The following CADM2 variants were observed in gnomAD, a reference collection of about 807,000 sequenced individuals.
CADM2 encodes the protein immunoglobulin superfamily member 4D.
CADM2 carries 12 observed loss-of-function variants against 49.8 expected under a neutral mutation model. That is an observed-to-expected ratio of 0.24 (90% confidence interval 0.15 to 0.39). The LOEUF (loss-of-function observed/expected upper bound fraction) is 0.39. CADM2 is among the 10% of genes least tolerant of loss of function. The pLI, the probability that CADM2 is intolerant of heterozygous loss-of-function variation, is 1.00. For missense variants in CADM2, 378 were observed against 492.3 expected (o/e 0.77, Z 2.20); for synonymous variants, 214 against 175.4 (o/e 1.22, Z -1.74).
intron 1 of CADM2, among the ~76,000 whole-genome samples, chr3:85,199,706 T>C (rs2041444543): frequency 6.6e-6 from 1 of 151,948 alleles, no homozygotes; most frequent in Non-Finnish European, 1.5e-5. Flanking sequence ...ATTGTTTGGA[T>C]AAAATAAGGA....
At chr3:85,275,804 G>GA (rs1168335183) in intron 1 of CADM2, among the ~76,000 whole-genome samples, 2 of 150,870 alleles carry the variant, frequency 1.3e-5, no homozygotes, top group Admixed American at 1.3e-4. Context: ...AATTGACCCT[G>GA]ATTTCATAGT....
chr3:85,654,444 G>A (rs1353331542), intron 1 of CADM2, among the ~76,000 whole-genome samples: 3 of 152,144 alleles, frequency 2.0e-5, no homozygotes, highest in Non-Finnish European at 2.9e-5. Flanking sequence ...GCATACATGG[G>A]CAGAAAGTTC....
chr3:86,028,134 T>C (rs1165224053), intron 8 of CADM2: 1 of 150,144 alleles, frequency 6.7e-6, no homozygotes, highest in Non-Finnish European at 1.5e-5. Flanking sequence ...CACACCAACA[T>C]GGCACATGTA....
intron 7 of CADM2, among the ~76,000 whole-genome samples, chr3:85,947,661 C>T (rs1722910821): frequency 6.6e-6 from 1 of 151,252 alleles, no homozygotes; most frequent in Admixed American, 6.6e-5. Flanking sequence ...CACATTGACT[C>T]GCTGGAAACA....
intron 7 of CADM2, among the ~76,000 whole-genome samples, chr3:85,938,039 G>A (rs575736047): frequency 6.6e-6 from 1 of 152,044 alleles, no homozygotes; most frequent in Non-Finnish European, 1.5e-5. Flanking sequence ...CAGGACATTA[G>A]CATTAAAGTT....
chr3:85,996,290 CTTTTTT>C (rs397990432), intron 8 of CADM2, among the ~76,000 whole-genome samples: 3 of 89,312 alleles, frequency 3.4e-5, no homozygotes, highest in African/African-American at 8.5e-5. Flanking sequence ...TTTTCATTTA[CTTTTTT>C]TTTTTTTTTT....
chr3:85,812,257 G>C (rs920667505), intron 3 of CADM2, among the ~76,000 whole-genome samples: 2 of 151,744 alleles, frequency 1.3e-5, no homozygotes, highest in African/African-American at 4.8e-5. Context: ...GTAAGTAATC[G>C]ATAAAATTAT....
intron 8 of CADM2, among the ~76,000 whole-genome samples, chr3:86,018,229 A>G (rs1354519910): frequency 8.1e-5 from 10 of 123,674 alleles, no homozygotes; most frequent in Admixed American, 1.8e-4. Flanking sequence ...ATGGCTGCAT[A>G]GTATTCCATG....
chr3:85,593,991 A>G (rs2063178348), intron 1 of CADM2, among the ~76,000 whole-genome samples: 2 of 151,044 alleles, frequency 1.3e-5, no homozygotes, highest in African/African-American at 4.9e-5. Flanking sequence ...ATAGTGAGTG[A>G]AAAAAAAAGG....
At chr3:85,750,235 A>G (rs1417733448) in intron 2 of CADM2, among the ~76,000 whole-genome samples, 1 of 151,952 alleles carries the variant, frequency 6.6e-6, no homozygotes, top group African/African-American at 2.4e-5. Context: ...ATCTTTTGAG[A>G]TGTGTTTTCA....
At chr3:85,837,417 G>GGA (rs1553695026) in intron 3 of CADM2, among the ~76,000 whole-genome samples, 2 of 151,326 alleles carry the variant, frequency 1.3e-5, no homozygotes, top group African/African-American at 4.8e-5. Flanking sequence ...TAATTAGGGG[G>GGA]AAAAAAACAG....
intron 1 of CADM2, among the ~76,000 whole-genome samples, chr3:85,236,207 A>G (rs2042403854): frequency 6.6e-6 from 1 of 152,118 alleles, no homozygotes; most frequent in South Asian, 2.1e-4. Context: ...CACAAAGGAT[A>G]GAAAACTTCC....
At chr3:84,984,284 C>G (rs2032407262) in intron 1 of CADM2, among the ~76,000 whole-genome samples, 1 of 148,376 alleles carries the variant, frequency 6.7e-6, no homozygotes. Flanking sequence ...TCAGCTGCCT[C>G]TCTCCAGGCC....
chr3:85,040,727 C>A lies in CADM2; in HGVS notation c.61+81059C>A, dbSNP rs541052415. ...ACAGTCCTGAAATTTCATAATAATG[C>A]ATATTTTAATTCTTTCAGAAACAAA... On this transcript the variant is annotated intron_variant, in intron 1 of 9. Transcript: ENST00000383699. 9.2e-5 allele frequency among the ~76,000 whole-genome samples: 14 copies of A among 152,236 alleles called. No individual in the cohort carries two copies. In the South Asian group the frequency reaches 2.9e-3, roughly 32 times the overall value.
intron 1 of CADM2, among the ~76,000 whole-genome samples, chr3:85,344,218 A>G (rs2030288446): frequency 1.3e-5 from 2 of 148,504 alleles, no homozygotes; most frequent in Admixed American, 6.6e-5. Flanking sequence ...TACTAAAAAT[A>G]CAAAAAAAAA....
intron 1 of CADM2, among the ~76,000 whole-genome samples, chr3:84,987,489 A>G (rs894537640): frequency 6.6e-6 from 1 of 152,158 alleles, no homozygotes; most frequent in East Asian, 1.9e-4. Context: ...CTCTGAGTAT[A>G]CTTGAACATA....
At chr3:85,896,519 C>T (rs572141201) in intron 5 of CADM2, among the ~76,000 whole-genome samples, 3 of 152,178 alleles carry the variant, frequency 2.0e-5, no homozygotes, top group Non-Finnish European at 4.4e-5. Context: ...CGTTCCCTGC[C>T]CTGAGAATTA....
intron 1 of CADM2, among the ~76,000 whole-genome samples, chr3:85,492,349 T>TGGGA (rs2039709265): frequency 6.6e-6 from 1 of 152,158 alleles, no homozygotes; most frequent in Non-Finnish European, 1.5e-5. Context: ...CCAAACACTT[T>TGGGA]GGGAGGCTGA....
chr3:85,858,971 A>G (rs1387268473), intron 3 of CADM2, among the ~76,000 whole-genome samples: 4 of 152,226 alleles, frequency 2.6e-5, no homozygotes. Flanking sequence ...AGTGTGAGCT[A>G]TAATTTTTAA....
Sources: gnomAD v4.1 joint callset for allele counts (sites outside exome capture counted in the v4.1 genomes callset) on GRCh38, gnomAD v4.1.1 for gene constraint, MANE v1.5 for transcripts, NCBI Gene and HGNC (gene_info 2026-07-23, HGNC 2026-07-21) for gene names.